The following DACT1 variants were observed in gnomAD, a reference collection of about 807,000 sequenced individuals.
The protein encoded by DACT1 is dishevelled binding antagonist of beta catenin 1, also known as dapper homolog 1.
Under a neutral mutation model 35.3 loss-of-function variants are expected in DACT1, and 19 were observed. The ratio of observed to expected loss-of-function variants is 0.54; its 90% CI spans 0.38 to 0.79. The LOEUF (loss-of-function observed/expected upper bound fraction) is 0.79, where lower values mean the gene tolerates loss of function less well. Ranked by LOEUF, DACT1 falls within the 30% of genes least tolerant of loss-of-function variation. DACT1 has a pLI of 0.00. For synonymous variants in DACT1, 545 were observed against 466.7 expected, an observed-to-expected ratio of 1.17 and a Z score of -2.16; for missense variants, 1,143 against 1,057.5, an observed-to-expected ratio of 1.08 and a Z score of -1.12.
chr14:58,636,369 T>G (rs2047572677), upstream of DACT1, among the ~76,000 whole-genome samples: 1 of 152,200 alleles, frequency 6.6e-6, no homozygotes, highest in Non-Finnish European at 1.5e-5. Flanking sequence ...GTCAGGTGAA[T>G]GCTTGCAAGG....
chr14:58,646,334 C>A lies in DACT1; in HGVS notation c.1600C>A (p.Arg534=). 6.2e-7 allele frequency: 1 copy of A among 1,609,100 alleles called. No individual in the cohort carries two copies. Among genetic ancestry groups the A allele is most frequent in the African/African-American group, 1.3e-5 (1 of 74,580 alleles). The change falls in exon 4 of 4, where the codon CGG becomes AGG. Residue 534 remains arginine, a synonymous_variant. Coordinates refer to ENST00000395153, the MANE Select transcript of DACT1 (RefSeq NM_001079520.2). ...PGQQPSVRLH[R]GHRNMGVVKN... ...GCAGCAGCCCAGTGTCAGGCTCCACCGGGGCCACAGGAACATGGGCGTCGT... is the reference window on the plus strand; with the variant it reads ...GCAGCAGCCCAGTGTCAGGCTCCACAGGGGCCACAGGAACATGGGCGTCGT...
At chr14:58,634,801 T>C (rs1422059473), upstream of DACT1, among the ~76,000 whole-genome samples, 1 of 152,190 alleles carries the variant, frequency 6.6e-6, no homozygotes, top group Non-Finnish European at 1.5e-5. Flanking sequence ...GCTCAGACTT[T>C]GGTGGGGGTG....
rs369484476 is a variant in DACT1, at chr14:58,646,350, T to C, written c.1616T>C (p.Met539Thr). Residue 539 changes from methionine to threonine, a missense_variant, in exon 4 of 4, where the codon ATG (methionine) becomes ACG (threonine). By Grantham distance (81) the Met-to-Thr change is moderately conservative. Coordinates refer to ENST00000395153, the MANE Select transcript of DACT1 (RefSeq NM_001079520.2). ...AGGCTCCACCGGGGCCACAGGAACA[T>C]GGGCGTCGTGAAGAACTCCAGCCTG... Reference protein sequence around the residue: ...SVRLHRGHRNMGVVKNSSLKH... With the variant: ...SVRLHRGHRNTGVVKNSSLKH... The C allele has an allele frequency of 1.5e-5, 24 of 1,606,848 alleles. No individual in the cohort carries two copies. The highest frequency in any genetic ancestry group is 1.9e-5 in the Non-Finnish European group (22 of 1,178,298).
At chr14:58,637,003 A>C (rs1461559623), upstream of DACT1, among the ~76,000 whole-genome samples, 1 of 152,188 alleles carries the variant, frequency 6.6e-6, no homozygotes, top group East Asian at 1.9e-4. Flanking sequence ...CACAGCCCCC[A>C]CAATATATAG....
At position 58,645,918 on chromosome 14, in the gene DACT1, G is replaced by C; in HGVS notation, c.1184G>C (p.Arg395Thr). Residue 395 changes from arginine (R) to threonine (T), a missense_variant, in exon 4 of 4, where the codon AGG (arginine) becomes ACG (threonine). By Grantham distance (71) the Arg-to-Thr change is moderately conservative. This residue lies in a region of DACT1 where 1,054 missense variants were observed against 958.8 expected (regional missense o/e 1.10). Transcript: ENST00000395153. ...AAGGCCGAACAAGCCGAAAGCAAGA[G>C]GGTGCCCCTGCCAGAGGGCTGCCCC... ...ESKAEQAESK[R>T]VPLPEGCPSG... 2 of 1,614,160 alleles carry C rather than the reference G, an allele frequency of 1.2e-6. No homozygotes were observed. Among genetic ancestry groups the C allele is most frequent in the Non-Finnish European group, 1.7e-6 (2 of 1,180,040 alleles).
chr14:58,640,986 TAAAC>T, intron 2 of DACT1, 118 bp downstream of exon 2: 1 of 1,141,110 alleles, frequency 8.8e-7, no homozygotes, highest in Admixed American at 2.3e-5. Flanking sequence ...GCAGAGAGGA[TAAAC>T]AAAAAAGAAG....
At chr14:58,642,660 C>T (rs560342018) in intron 3 of DACT1, among the ~76,000 whole-genome samples, 29 of 152,222 alleles carry the variant, frequency 1.9e-4, no homozygotes, top group Non-Finnish European at 3.5e-4. Flanking sequence ...TGCCACTGCA[C>T]TCCAGCCTGG....
upstream of DACT1, among the ~76,000 whole-genome samples, chr14:58,635,438 C>A (rs554566790): frequency 1.3e-5 from 2 of 152,336 alleles, no homozygotes; most frequent in East Asian, 3.9e-4. Context: ...CTTCTAACTT[C>A]ATTTGACAGC....
rs116646724 is a variant in DACT1 at position 58,647,681 on chromosome 14, T to A, written c.*547T>A. The A allele has an allele frequency of 0.076, 12,734 of 167,884 alleles. 544 individuals are homozygous for A. Among genetic ancestry groups the A allele is most frequent in the Non-Finnish European group, 0.097 (6,662 of 68,728 alleles). The allele number at this position is 167,884 out of a possible 1,614,324, so 10.4% of individuals were successfully genotyped here. A position where few individuals can be genotyped will look rare whatever the true frequency, so the allele number is the denominator to read the frequency against. On this transcript the variant is annotated 3_prime_UTR_variant, in exon 4 of 4. Transcript: ENST00000395153. ...TCGGTTTTATTCTCAGAACTGTTAC[T>A]AGACTCATGACTTGGAGGCCAAACC... is the stretch of plus-strand genomic sequence containing the variant.
In DACT1 at chr14:58,638,398, G is replaced by A; in HGVS notation, c.196G>A (p.Glu66Lys). ...AELEYLRQRQ[E>K]LLVRGALRGA... Reference sequence around the variant, plus strand: ...GCTGGAGTACCTGCGCCAGCGCCAAGAGCTGCTGGTCAGGGGCGCCCTGCG... The same window carrying A: ...GCTGGAGTACCTGCGCCAGCGCCAAAAGCTGCTGGTCAGGGGCGCCCTGCG... The change falls in exon 1 of 4, where the codon GAG becomes AAG. Residue 66 changes from glutamate (E) to lysine (K), a missense_variant. Glu to Lys is a moderately conservative substitution (Grantham distance 56). Transcript: ENST00000395153. 1 of 1,306,914 alleles carries A rather than the reference G, an allele frequency of 7.7e-7. No homozygotes were observed. The highest frequency in any genetic ancestry group is 9.7e-7 in the Non-Finnish European group (1 of 1,029,220). The allele number at this position is 1,306,914 out of a possible 1,614,324, so 81.0% of individuals were successfully genotyped here. A position where few individuals can be genotyped will look rare whatever the true frequency, so the allele number is the denominator to read the frequency against.
upstream of DACT1, among the ~76,000 whole-genome samples, chr14:58,634,469 C>G (rs551725748): frequency 1.4e-4 from 22 of 152,174 alleles, no homozygotes; most frequent in African/African-American, 5.3e-4. Context: ...TGGGGTCAAG[C>G]TATAATTAGT....
Position 58,646,356 on chromosome 14 carries a change from T to A in DACT1, c.1622T>A (p.Val541Asp). Residue 541 changes from valine to aspartate, a missense_variant, in exon 4 of 4, where the codon GTC becomes GAC. Around this residue, in one of 3 missense-constraint regions of DACT1, gnomAD observed 1,054 missense variants for 958.8 expected, o/e 1.10. Transcript: ENST00000395153. ...RLHRGHRNMG[V>D]VKNSSLKHRG... ...CACCGGGGCCACAGGAACATGGGCG[T>A]CGTGAAGAACTCCAGCCTGAAGCAC... 1 of 1,606,366 alleles carries A rather than the reference T, an allele frequency of 6.2e-7. No homozygotes were observed. The highest frequency in any genetic ancestry group is 8.5e-7 in the Non-Finnish European group (1 of 1,178,170).
At chr14:58,635,611 A>G (rs1328799184), upstream of DACT1, among the ~76,000 whole-genome samples, 1 of 142,682 alleles carries the variant, frequency 7.0e-6, no homozygotes, top group Non-Finnish European at 1.5e-5. Context: ...ACACTTTTTC[A>G]TGGAGATATA....
chr14:58,645,616 T>C lies in DACT1; in HGVS notation c.882T>C (p.His294=), dbSNP rs2047667119. Residue 294 remains histidine (H), a synonymous_variant, in exon 4 of 4, where the codon CAT becomes CAC. Transcript: ENST00000395153. ...PSPSSLWSAS[H]PSSSKKMDGY... The stretch of plus-strand genomic sequence containing the variant: ...CAAGCAGTCTGTGGTCTGCTTCCCA[T>C]CCTTCATCCAGCAAGAAAATGGATG... 6.2e-7 allele frequency: 1 copy of C among 1,613,974 alleles called. No individual in the cohort carries two copies. Among genetic ancestry groups the C allele is most frequent in the African/African-American group, 1.3e-5 (1 of 74,910 alleles).
rs748458975 is a variant in DACT1 at position 58,646,025 on chromosome 14, G to T, written c.1291G>T (p.Ala431Ser). ...CTCGCAAGAACATGCTCGGTGTTCC[G>T]CCATTGGGACAGGGGAGTCCCCTAA... ...PASQEHARCS[A>S]IGTGESPKES... is the part of the protein sequence containing the mutation. Residue 431 changes from alanine (A) to serine (S), a missense_variant, in exon 4 of 4, where the codon GCC (alanine) becomes TCC (serine). Around this residue, in one of 3 missense-constraint regions of DACT1, gnomAD observed 1,054 missense variants for 958.8 expected, o/e 1.10. Transcript: ENST00000395153. The T allele has an allele frequency of 6.2e-7, 1 of 1,614,062 alleles. No homozygotes were observed. Among genetic ancestry groups the T allele is most frequent in the Admixed American group, 1.7e-5 (1 of 60,028 alleles).
chr14:58,643,491 G>T (rs2047646322), intron 3 of DACT1, among the ~76,000 whole-genome samples: 1 of 152,188 alleles, frequency 6.6e-6, no homozygotes, highest in South Asian at 2.1e-4. Flanking sequence ...TCTGTGTGTT[G>T]TCAGCAGCAA....
chr14:58,646,746 C>T lies in DACT1; in HGVS notation c.2012C>T (p.Pro671Leu). 6.2e-7 allele frequency: 1 copy of T among 1,613,970 alleles called. No homozygotes were observed. Among genetic ancestry groups the T allele is most frequent in the South Asian group, 1.1e-5 (1 of 91,086 alleles). Residue 671 changes from proline (P) to leucine (L), a missense_variant, in exon 4 of 4, where the codon CCT (proline) becomes CTT (leucine). Around this residue, in one of 3 missense-constraint regions of DACT1, gnomAD observed 1,054 missense variants for 958.8 expected, o/e 1.10. Transcript: ENST00000395153. Reference sequence around the variant, plus strand: ...GAGAATGTGGGGCTGTACCCCGCGCCTGTGCCTCTGCCCTACGCCAGCCCC... The same window carrying T: ...GAGAATGTGGGGCTGTACCCCGCGCTTGTGCCTCTGCCCTACGCCAGCCCC... The part of the protein sequence containing the change: ...RRENVGLYPA[P>L]VPLPYASPYA...
intron 1 of DACT1, 120 bp from the exon 2 acceptor site, chr14:58,640,616 A>C: frequency 8.2e-7 from 1 of 1,213,604 alleles, no homozygotes; most frequent in Non-Finnish European, 1.1e-6. Context: ...CATCCAGTAA[A>C]ATTTTGGTTT....
rs139223977 is a variant in DACT1, at chr14:58,645,664, G to C, written c.930G>C (p.Gln310His). Reference protein sequence around the residue: ...KMDGYILSLVQKKTHPVRTNK... With the variant: ...KMDGYILSLVHKKTHPVRTNK... ...ATGGCTACATTCTGAGCCTGGTCCAGAAAAAAACACACCCTGTAAGGACCA... is the reference window on the plus strand; with the variant it reads ...ATGGCTACATTCTGAGCCTGGTCCACAAAAAAACACACCCTGTAAGGACCA... The change falls in exon 4 of 4, where the codon CAG becomes CAC. Residue 310 changes from glutamine to histidine, a missense_variant. Physicochemically the swap from Gln to His is conservative, Grantham distance 24. Transcript: ENST00000395153. 614 of 1,614,104 alleles carry C rather than the reference G, an allele frequency of 3.8e-4. 3 individuals are homozygous for C. In the African/African-American group the frequency reaches 7.3e-3, roughly 19 times the overall value.
Sources: gnomAD v4.1 joint callset for allele counts (sites outside exome capture counted in the v4.1 genomes callset) on GRCh38, gnomAD v4.1.1 for gene constraint, gnomAD v4.1.1 regional missense constraint, MANE v1.5 for transcripts, NCBI Gene and HGNC (gene_info 2026-07-23, HGNC 2026-07-21) for gene names.